The following TTLL5 variants were observed in gnomAD, a reference collection of about 807,000 sequenced individuals.
TTLL5 encodes the protein tubulin tyrosine ligase like 5, also known as tubulin polyglutamylase TTLL5.
TTLL5 carries 132 observed loss-of-function variants against 168.4 expected under a neutral mutation model. The observed-to-expected ratio is 0.78, with a 90% confidence interval of 0.68 to 0.91. The LOEUF (loss-of-function observed/expected upper bound fraction) is 0.91. Among genes scored for constraint, TTLL5 ranks in the 40% least tolerant of loss-of-function variants. The probability of loss-of-function intolerance (pLI) is 0.00; values close to 1 mark genes in which losing one functional copy is unlikely to be tolerated. For missense variants in TTLL5, 1,545 were observed against 1,581.5 expected (o/e 0.98, Z 0.39); for synonymous variants, 546 against 558.6 (o/e 0.98, Z 0.32).
At chr14:75,661,711 C>A (rs748982720) in intron 1 of TTLL5, 2 of 152,278 alleles carry the variant, frequency 1.3e-5, no homozygotes, top group African/African-American at 4.8e-5. Flanking sequence ...AGGTTGGCAT[C>A]CCTTCCCGTT....
intron 27 of TTLL5, among the ~76,000 whole-genome samples, chr14:75,817,830 C>CTTTTTTTTTTTTTTTT (rs1045988787): frequency 6.3e-4 from 53 of 83,864 alleles, no homozygotes; most frequent in East Asian, 1.0e-3. Context: ...CTTTTCTTTT[C>CTTTTTTTTTTTTTTTT]TTTTTTTTTT....
At chr14:75,678,858 G>A (rs1229913985) in intron 3 of TTLL5, among the ~76,000 whole-genome samples, 2 of 152,142 alleles carry the variant, frequency 1.3e-5, no homozygotes, top group South Asian at 2.1e-4. Flanking sequence ...TTTTCCCTTT[G>A]TTATAAGCAT....
At chr14:75,879,513 T>C (rs1357535205) in intron 29 of TTLL5, among the ~76,000 whole-genome samples, 2 of 152,236 alleles carry the variant, frequency 1.3e-5, no homozygotes, top group Non-Finnish European at 2.9e-5. Flanking sequence ...GTCTTTGCTT[T>C]ATTTCAAGAA....
chr14:75,863,516 G>C, intron 28 of TTLL5, 151 bp from the exon 29 acceptor site: 1 of 692,968 alleles, frequency 1.4e-6, no homozygotes, highest in Non-Finnish European at 2.3e-6. Context: ...ACGGTTTAGT[G>C]GGGGAGTGAG....
intron 31 of TTLL5, among the ~76,000 whole-genome samples, chr14:75,946,856 A>G (rs2034790847): frequency 6.6e-6 from 1 of 152,232 alleles, no homozygotes; most frequent in Non-Finnish European, 1.5e-5. Context: ...AAGGGGGAAT[A>G]AGCTGGCAGA....
chr14:75,858,471 C>G (rs1311453153), intron 28 of TTLL5, among the ~76,000 whole-genome samples: 1 of 152,138 alleles, frequency 6.6e-6, no homozygotes, highest in Non-Finnish European at 1.5e-5. Context: ...TAAAGCAATT[C>G]GGCTGCTTAG....
At chr14:75,795,850 G>A (rs1892970440) in intron 27 of TTLL5, among the ~76,000 whole-genome samples, 1 of 152,130 alleles carries the variant, frequency 6.6e-6, no homozygotes, top group Non-Finnish European at 1.5e-5. Flanking sequence ...ATTTGGGCTG[G>A]TTCCATATTT....
chr14:75,667,072 T>A (rs1306803900), intron 2 of TTLL5, among the ~76,000 whole-genome samples: 2 of 152,210 alleles, frequency 1.3e-5, no homozygotes, highest in South Asian at 4.1e-4. Context: ...TAAGTGCTTT[T>A]TTTTTTTAGC....
chr14:75,776,637 A>T, intron 22 of TTLL5, 110 bp from the exon 23 acceptor site: 1 of 620,286 alleles, frequency 1.6e-6, no homozygotes, highest in Non-Finnish European at 2.7e-6. Context: ...AAATGTCTTT[A>T]CTATAAGGAC....
At position 75,766,194 on chromosome 14, in the gene TTLL5, A is replaced by G. The variant is rs1890963795; in HGVS notation, c.1841A>G (p.Asn614Ser). 6.2e-7 allele frequency: 1 copy of G among 1,614,088 alleles called. No homozygotes were observed. Among genetic ancestry groups the G allele is most frequent in the Non-Finnish European group, 8.5e-7 (1 of 1,179,990 alleles). Residue 614 changes from asparagine (N) to serine (S), a missense_variant, in exon 20 of 32, where the codon AAT becomes AGT. Coordinates refer to ENST00000298832, the MANE Select transcript of TTLL5 (RefSeq NM_015072.5). ...QEESAGFLRENQAKYTPSLTA... is the reference protein window; with the variant it reads ...QEESAGFLRESQAKYTPSLTA... ...GAGTCTGCAGGATTTCTTAGAGAAA[A>G]TCAAGCCAAATATACACCCTCATTG...
intron 31 of TTLL5, among the ~76,000 whole-genome samples, chr14:75,952,336 C>T (rs1352345774): frequency 6.6e-6 from 1 of 152,128 alleles, no homozygotes; most frequent in African/African-American, 2.4e-5. Context: ...AGGAAAAACA[C>T]AGCAGTGTAT....
intron 28 of TTLL5, among the ~76,000 whole-genome samples, chr14:75,862,219 T>C (rs977900101): frequency 2.6e-5 from 4 of 152,246 alleles, no homozygotes; most frequent in African/African-American, 9.6e-5. Flanking sequence ...AGTAATATTG[T>C]ATGTAGATTC....
intron 29 of TTLL5, among the ~76,000 whole-genome samples, chr14:75,881,831 CA>C (rs1389776005): frequency 6.6e-6 from 1 of 152,148 alleles, no homozygotes; most frequent in Non-Finnish European, 1.5e-5. Context: ...AATTGAGACA[CA>C]AAAAGACCAT....
chr14:75,832,417 G>A (rs1459362066), intron 28 of TTLL5, among the ~76,000 whole-genome samples: 1 of 152,112 alleles, frequency 6.6e-6, no homozygotes, highest in African/African-American at 2.4e-5. Flanking sequence ...ATGTTCTTTT[G>A]TGTAGTTAAC....
At chr14:75,691,383 A>G (rs1379814400) in intron 6 of TTLL5, among the ~76,000 whole-genome samples, 1 of 152,224 alleles carries the variant, frequency 6.6e-6, no homozygotes, top group Non-Finnish European at 1.5e-5. Context: ...GATGTGAGGC[A>G]GGTCTCTTGT....
intron 4 of TTLL5, among the ~76,000 whole-genome samples, chr14:75,682,481 T>C (rs1240741618): frequency 6.6e-6 from 1 of 152,204 alleles, no homozygotes; most frequent in Non-Finnish European, 1.5e-5. Context: ...TGTCCTTTTG[T>C]CTTTCCTTGC....
chr14:75,777,180 A>C (rs1450652447), intron 23 of TTLL5, among the ~76,000 whole-genome samples: 2 of 152,218 alleles, frequency 1.3e-5, no homozygotes, highest in Non-Finnish European at 2.9e-5. Context: ...TCATGGCTTC[A>C]GTTATCAAAA....
chr14:75,765,459 G>T (rs1890911985), intron 19 of TTLL5, among the ~76,000 whole-genome samples: 1 of 152,044 alleles, frequency 6.6e-6, no homozygotes. Context: ...ACTAAGCCAA[G>T]GGTTTTTTGT....
At chr14:75,938,686 A>G (rs1418829490) in intron 31 of TTLL5, among the ~76,000 whole-genome samples, 1 of 152,124 alleles carries the variant, frequency 6.6e-6, no homozygotes, top group Non-Finnish European at 1.5e-5. Flanking sequence ...CAATTTTCCT[A>G]AGGTTACTGC....
Sources: allele counts gnomAD v4.1 joint callset (sites outside exome capture counted in the v4.1 genomes callset), GRCh38; gene constraint gnomAD v4.1.1; transcripts MANE v1.5; gene names NCBI Gene and HGNC (gene_info 2026-07-23, HGNC 2026-07-21).